PTPRD: variants seen among roughly 807,000 people sequenced by gnomAD.
The protein encoded by PTPRD is receptor-type tyrosine-protein phosphatase delta.
PTPRD carries 34 observed loss-of-function variants against 214.5 expected under a neutral mutation model. The ratio of observed to expected loss-of-function variants is 0.16; its 90% confidence interval spans 0.12 to 0.21. PTPRD has a LOEUF of 0.21. Among genes scored for constraint, PTPRD ranks in the 10% least tolerant of loss-of-function variants. The pLI is 1.00. For synonymous variants in PTPRD, 1,128 were observed against 845.7 expected, an observed-to-expected ratio of 1.33 and a Z score of -5.79; for missense variants, 2,545 against 2,398.7, an observed-to-expected ratio of 1.06 and a Z score of -1.27.
chr9:9,150,542 T>G (rs1391861056), intron 10 of PTPRD, among the ~76,000 whole-genome samples: 1 of 150,232 alleles, frequency 6.7e-6, no homozygotes, highest in Non-Finnish European at 1.5e-5. Context: ...CAGACTGGAG[T>G]GCAATGGTGT....
At chr9:9,259,154 A>C (rs1027978961) in intron 9 of PTPRD, among the ~76,000 whole-genome samples, 5 of 151,872 alleles carry the variant, frequency 3.3e-5, no homozygotes, top group African/African-American at 1.2e-4. Flanking sequence ...AAGATCAGGG[A>C]CATGAAAATA....
intron 39 of PTPRD, among the ~76,000 whole-genome samples, chr9:8,365,195 G>A (rs2079519502): frequency 6.6e-6 from 1 of 152,034 alleles, no homozygotes. Context: ...TGAGAGTCTG[G>A]AAATGTCCCT....
chr9:9,705,626 G>C (rs2097585169), intron 7 of PTPRD, among the ~76,000 whole-genome samples: 1 of 151,786 alleles, frequency 6.6e-6, no homozygotes, highest in Admixed American at 6.6e-5. Flanking sequence ...ACATTTCTCA[G>C]CTAATGAAAA....
intron 9 of PTPRD, among the ~76,000 whole-genome samples, chr9:9,389,278 A>G (rs933684509): frequency 6.6e-6 from 1 of 152,202 alleles, no homozygotes; most frequent in Non-Finnish European, 1.5e-5. Context: ...TGGGAGGCCG[A>G]GGCAGGTGGA....
At chr9:9,521,774 G>A (rs2096978506) in intron 8 of PTPRD, among the ~76,000 whole-genome samples, 1 of 152,160 alleles carries the variant, frequency 6.6e-6, no homozygotes, top group African/African-American at 2.4e-5. Flanking sequence ...AGGATGCTGA[G>A]ACATTGCTAT....
intron 9 of PTPRD, among the ~76,000 whole-genome samples, chr9:9,278,059 G>A (rs1946317110): frequency 6.6e-6 from 1 of 151,308 alleles, no homozygotes; most frequent in Admixed American, 6.6e-5. Context: ...AACATGTGCT[G>A]CAATATATGC....
intron 12 of PTPRD, among the ~76,000 whole-genome samples, chr9:8,644,116 T>C (rs1433965068): frequency 1.3e-5 from 2 of 152,102 alleles, no homozygotes; most frequent in African/African-American, 4.8e-5. Flanking sequence ...GGCACGACTC[T>C]CTCTGTTGTT....
chr9:9,948,996 G>T (rs72692755), intron 4 of PTPRD, among the ~76,000 whole-genome samples: 2,175 of 152,040 alleles, frequency 0.014, 28 homozygotes, highest in Non-Finnish European at 0.02. Context: ...AGCATGGGGG[G>T]GCCTAAGATT....
chr9:9,732,347 C>T (rs955939991), intron 7 of PTPRD, among the ~76,000 whole-genome samples: 7 of 151,936 alleles, frequency 4.6e-5, no homozygotes, highest in Admixed American at 4.6e-4. Flanking sequence ...CATTAAAAAA[C>T]AAACAAACAA....
At position 8,913,145 on chromosome 9, in the gene PTPRD, T is replaced by C. The variant is rs143533995; in HGVS notation, c.-104+105552A>G. Among the ~76,000 whole-genome samples, 622 of 152,208 alleles carry C rather than the reference T, an allele frequency of 4.1e-3. 7 individuals carry two copies. Among genetic ancestry groups the C allele is most frequent in the African/African-American group, 0.014 (598 of 41,538 alleles). On this transcript the variant is annotated intron_variant, in intron 11 of 45. Transcript: ENST00000381196. ...GAATTTTCTTTAAAAAAAAACTTTA[T>C]GAACATGACTTGAACATTACCTGGC...
chr9:9,955,526 G>GTTTTTTTTTTT (rs779657484), intron 4 of PTPRD, among the ~76,000 whole-genome samples: 1 of 134,026 alleles, frequency 7.5e-6, no homozygotes, highest in Non-Finnish European at 1.7e-5. Context: ...GTTTTGTTTT[G>GTTTTTTTTTTT]TTTTTTTTTT....
chr9:9,561,865 C>A (rs2083054941), intron 8 of PTPRD, among the ~76,000 whole-genome samples: 1 of 152,094 alleles, frequency 6.6e-6, no homozygotes. Context: ...TTGGAATGGC[C>A]CATGGCTCAG....
Position 9,467,588 on chromosome 9 carries a change from C to CAAAAAAAAAAA in PTPRD, c.-236-70117_-236-70107dup, listed in dbSNP as rs1176159031. 2.0e-3 allele frequency among the ~76,000 whole-genome samples: 112 copies of CAAAAAAAAAAA among 55,946 alleles called. 11 individuals carry two copies. Among genetic ancestry groups the CAAAAAAAAAAA allele is most frequent in the African/African-American group, 5.8e-3 (89 of 15,260 alleles). 36.7% of individuals were successfully genotyped at this position (55,946 alleles called of 152,430 possible). A position where few individuals can be genotyped will look rare whatever the true frequency, so the allele number is the denominator to read the frequency against. On this transcript the variant is annotated intron_variant, in intron 8 of 45. Transcript: ENST00000381196. Reference sequence around the variant, plus strand: ...GGCGACAGAGCGGGACTCCATCTCCCAAAAAAAAAAAAAAAAAAAAAAGTT... The same window carrying CAAAAAAAAAAA: ...GGCGACAGAGCGGGACTCCATCTCCCAAAAAAAAAAAAAAAAAAAAAAAAAAAAAAAAAGTT...
intron 7 of PTPRD, among the ~76,000 whole-genome samples, chr9:9,719,662 A>ATG (rs1450062770): frequency 6.6e-6 from 1 of 152,168 alleles, no homozygotes; most frequent in Non-Finnish European, 1.5e-5. Context: ...ACAGCTCGCT[A>ATG]TGCTGCGGCG....
At chr9:8,419,410 T>C (rs2094195744) in intron 35 of PTPRD, among the ~76,000 whole-genome samples, 1 of 152,106 alleles carries the variant, frequency 6.6e-6, no homozygotes, top group African/African-American at 2.4e-5. Flanking sequence ...GAGTCTTATT[T>C]ACTCCATTTC....
chr9:9,534,221 G>T (rs1378668817), intron 8 of PTPRD, among the ~76,000 whole-genome samples: 1 of 152,056 alleles, frequency 6.6e-6, no homozygotes, highest in Non-Finnish European at 1.5e-5. Flanking sequence ...TATAAAATAT[G>T]ATGAGAAATA....
chr9:10,024,224 G>T (rs191810913), intron 4 of PTPRD, among the ~76,000 whole-genome samples: 2 of 152,174 alleles, frequency 1.3e-5, no homozygotes, highest in Admixed American at 1.3e-4. Context: ...TTTTATTTAA[G>T]TAATGAATTT....
intron 10 of PTPRD, among the ~76,000 whole-genome samples, chr9:9,177,954 A>C (rs2099925931): frequency 6.6e-6 from 1 of 152,130 alleles, no homozygotes; most frequent in African/African-American, 2.4e-5. Context: ...TGAAACATGA[A>C]ATATTTTATC....
chr9:8,598,487 TAAAC>T (rs889668577), intron 14 of PTPRD, among the ~76,000 whole-genome samples: 10 of 150,040 alleles, frequency 6.7e-5, no homozygotes, highest in African/African-American at 2.3e-4. Context: ...AATAAATAAA[TAAAC>T]AAATAAACCC....
Sources: gnomAD v4.1 joint callset for allele counts (sites outside exome capture counted in the v4.1 genomes callset) on GRCh38, gnomAD v4.1.1 for gene constraint, MANE v1.5 for transcripts, NCBI Gene and HGNC (gene_info 2026-07-23, HGNC 2026-07-21) for gene names.